The following SEZ6L variants were observed in gnomAD, a reference collection of about 807,000 sequenced individuals.
SEZ6L encodes seizure related 6 homolog like.
A neutral mutation model predicts 106.2 loss-of-function variants in SEZ6L; 37 were observed. The ratio of observed to expected loss-of-function variants is 0.35; its 90% CI spans 0.27 to 0.46. The LOEUF is 0.46. SEZ6L is among the 20% of genes least tolerant of loss of function. The pLI, the probability that SEZ6L is intolerant of heterozygous loss-of-function variation, is 1.00. For missense variants in SEZ6L, 1,172 were observed against 1,332.8 expected (o/e 0.88, Z 1.88); for synonymous variants, 541 against 570.4 (o/e 0.95, Z 0.73).
At chr22:26,224,458 T>C (rs562468007) in intron 1 of SEZ6L, among the ~76,000 whole-genome samples, 2 of 152,222 alleles carry the variant, frequency 1.3e-5, no homozygotes, top group South Asian at 4.2e-4. Flanking sequence ...CTTAAGCCCA[T>C]GGCAAGGAGT....
rs1023649748 is a variant in SEZ6L, at chr22:26,329,815, A to G, written c.2016-10621A>G. Among the ~76,000 whole-genome samples the G allele has an allele frequency of 4.3e-4, 66 of 152,260 alleles. 1 individual carries two copies. Among genetic ancestry groups the G allele is most frequent in the Non-Finnish European group, 7.6e-4 (52 of 68,046 alleles). ...GTGTGGGTGAGGGGATCAGATGAGA[A>G]AATAGATACAAAACAACTTTAAACA... On this transcript the variant is annotated intron_variant, in intron 9 of 16. Transcript: ENST00000248933.
intron 1 of SEZ6L, among the ~76,000 whole-genome samples, chr22:26,209,883 A>AGAAGGGAGAGAGGAAGGAAG (rs1451450038): frequency 1.4e-5 from 2 of 146,106 alleles, no homozygotes; most frequent in Non-Finnish European, 1.5e-5. Context: ...AAGGAAGGAA[A>AGAAGGGAGAGAGGAAGGAAG]GAAGGGAGAG....
intron 1 of SEZ6L, among the ~76,000 whole-genome samples, chr22:26,264,847 A>C (rs2080125372): frequency 6.6e-6 from 1 of 152,192 alleles, no homozygotes; most frequent in African/African-American, 2.4e-5. Flanking sequence ...AATGATTGGG[A>C]TGTGAAGTTT....
intron 13 of SEZ6L, among the ~76,000 whole-genome samples, chr22:26,371,674 A>AG (rs2084041834): frequency 6.6e-6 from 1 of 151,374 alleles, no homozygotes; most frequent in Admixed American, 6.6e-5. Flanking sequence ...AAAAGGAAAA[A>AG]AAAAACACGA....
At chr22:26,254,827 C>G (rs2079751659) in intron 1 of SEZ6L, among the ~76,000 whole-genome samples, 2 of 152,092 alleles carry the variant, frequency 1.3e-5, no homozygotes. Flanking sequence ...CTCCAGCAAG[C>G]TAAGATAGTG....
chr22:26,215,049 G>A (rs530352906), intron 1 of SEZ6L, among the ~76,000 whole-genome samples: 1 of 152,200 alleles, frequency 6.6e-6, no homozygotes, highest in African/African-American at 2.4e-5. Context: ...GAGGAGAACA[G>A]AATCGTTCAA....
At chr22:26,177,832 A>G (rs1274815031) in intron 1 of SEZ6L, among the ~76,000 whole-genome samples, 1 of 152,080 alleles carries the variant, frequency 6.6e-6, no homozygotes, top group Non-Finnish European at 1.5e-5. Context: ...AGATTCTAGC[A>G]GTTATTTGGG....
intron 10 of SEZ6L, among the ~76,000 whole-genome samples, chr22:26,341,088 T>C (rs1161238077): frequency 6.6e-6 from 1 of 152,064 alleles, no homozygotes; most frequent in Non-Finnish European, 1.5e-5. Flanking sequence ...CTTCACCTTC[T>C]TGCCCGAACT....
At chr22:26,304,369 G>GA (rs1556332058) in intron 5 of SEZ6L, among the ~76,000 whole-genome samples, 1,940 of 98,252 alleles carry the variant, frequency 0.02, 61 homozygotes, top group Middle Eastern at 0.026. Flanking sequence ...AAAAAAGAAA[G>GA]AAGAAAGAAA....
rs1477675390 is a variant in SEZ6L at position 26,375,703 on chromosome 22, G to T, written c.2942+14G>T. ...TTACATCACAAGGTAGGGAGCTGAT[G>T]GGGGAGATGACTGCCAAGCACCCAG... is the stretch of plus-strand genomic sequence containing the variant. On this transcript the variant is annotated intron_variant, in intron 15 of 16. Transcript: ENST00000248933. 4 of 1,596,662 alleles carry T rather than the reference G, an allele frequency of 2.5e-6. No individual in the cohort carries two copies. The South Asian group carries it at 4.5e-5, about 18-fold the overall frequency.
At chr22:26,379,162 G>C (rs2084330283) in intron 16 of SEZ6L, among the ~76,000 whole-genome samples, 1 of 152,184 alleles carries the variant, frequency 6.6e-6, no homozygotes, top group South Asian at 2.1e-4. Flanking sequence ...TTTCTTGCGG[G>C]CTGTCTTCTA....
chr22:26,237,731 T>C (rs746992297), intron 1 of SEZ6L, among the ~76,000 whole-genome samples: 60 of 152,346 alleles, frequency 3.9e-4, no homozygotes, highest in South Asian at 2.1e-4. Flanking sequence ...TTAGGGCTAC[T>C]GAGGCAGCCT....
chr22:26,247,885 G>A (rs547713835), intron 1 of SEZ6L, among the ~76,000 whole-genome samples: 5 of 152,232 alleles, frequency 3.3e-5, no homozygotes, highest in Admixed American at 6.5e-5. Context: ...GCACTTAAAC[G>A]GTCTCCAGAT....
At chr22:26,263,536 A>G (rs967276489) in intron 1 of SEZ6L, among the ~76,000 whole-genome samples, 7 of 152,240 alleles carry the variant, frequency 4.6e-5, no homozygotes, top group African/African-American at 1.7e-4. Flanking sequence ...CCATCCTGCC[A>G]TAATGCCTTT....
Position 26,221,383 on chromosome 22 carries a change from A to G in SEZ6L, c.94+51620A>G, listed in dbSNP as rs934939309. ...CAGTTTTTAGCATTGGGTAGTGGTT[A>G]CCATCACAGGCCTATAGGAGGAAAA... On this transcript the variant is annotated intron_variant, in intron 1 of 16. Coordinates refer to ENST00000248933, the MANE Select transcript of SEZ6L (RefSeq NM_021115.5). Among the ~76,000 whole-genome samples, 11 of 152,138 alleles carry G rather than the reference A, an allele frequency of 7.2e-5. No individual in the cohort carries two copies. In the South Asian group the frequency reaches 1.5e-3, roughly 20 times the overall value.
intron 9 of SEZ6L, among the ~76,000 whole-genome samples, chr22:26,338,869 T>TTTTTTTTC (rs2082734074): frequency 8.2e-6 from 1 of 121,494 alleles, no homozygotes; most frequent in Admixed American, 8.2e-5. Flanking sequence ...TTTTTTTTCT[T>TTTTTTTTC]TTTTTTTTTT....
intron 1 of SEZ6L, among the ~76,000 whole-genome samples, chr22:26,222,844 G>A (rs2078517884): frequency 6.6e-6 from 1 of 152,058 alleles, no homozygotes; most frequent in Non-Finnish European, 1.5e-5. Context: ...CTTAACCAGG[G>A]GCAATTTTGC....
intron 2 of SEZ6L, among the ~76,000 whole-genome samples, chr22:26,293,527 T>C (rs1363005238): frequency 6.6e-6 from 1 of 152,126 alleles, no homozygotes; most frequent in South Asian, 2.1e-4. Flanking sequence ...AAGGGGGTCT[T>C]GCTTATTGTC....
chr22:26,177,290 C>T lies in SEZ6L; in HGVS notation c.94+7527C>T, dbSNP rs145352162. On this transcript the variant is annotated intron_variant, in intron 1 of 16. Coordinates refer to ENST00000248933, the MANE Select transcript of SEZ6L (RefSeq NM_021115.5). ...ATAGATGTGGAATCACTAAGTAACT[C>T]TACAAAAAAGGAGGAAGAGAAAGAA... Among the ~76,000 whole-genome samples, 320 of 151,962 alleles carry T rather than the reference C, an allele frequency of 2.1e-3. 2 individuals carry two copies. The highest frequency in any genetic ancestry group is 3.5e-3 in the Non-Finnish European group (240 of 67,946).
Sources: allele counts gnomAD v4.1 joint callset (sites outside exome capture counted in the v4.1 genomes callset), GRCh38; gene constraint gnomAD v4.1.1; transcripts MANE v1.5; gene names NCBI Gene and HGNC (gene_info 2026-07-23, HGNC 2026-07-21).